DLG5: variants seen among roughly 807,000 people sequenced by gnomAD.
DLG5 encodes disks large homolog 5.
Under a neutral mutation model 189.8 loss-of-function variants are expected in DLG5, and 48 were observed. The observed-to-expected ratio is 0.25, with a 90% CI of 0.20 to 0.32. The LOEUF is 0.32. Among genes scored for constraint, DLG5 ranks in the 10% least tolerant of loss-of-function variants. The pLI is 1.00. For missense variants in DLG5, 2,160 were observed against 2,544.7 expected (o/e 0.85, Z 3.25); for synonymous variants, 1,016 against 1,054.1 (o/e 0.96, Z 0.70).
chr10:77,816,527 C>T, intron 20 of DLG5, 24 bp downstream of exon 20: 3 of 1,613,932 alleles, frequency 1.9e-6, no homozygotes. Flanking sequence ...TTTACCCACT[C>T]CACCGATGAC....
intron 31 of DLG5, chr10:77,793,209 T>C (rs1840725989): frequency 6.6e-6 from 1 of 152,616 alleles, no homozygotes; most frequent in Admixed American, 6.5e-5. Flanking sequence ...CTCTAGGAAT[T>C]GTCAGTGTAT....
chr10:77,868,866 C>T, intron 2 of DLG5: 1 of 493,924 alleles, frequency 2.0e-6, no homozygotes, highest in East Asian at 4.1e-5. Context: ...GGTGGGTCAA[C>T]AGGCTCCCCT....
In DLG5 at chr10:77,796,141, A is replaced by G. The variant is rs1242580391; in HGVS notation, c.5356T>C (p.Cys1786Arg). 1.9e-6 allele frequency: 3 copies of G among 1,614,206 alleles called. No individual in the cohort carries two copies. The Admixed American group carries it at 5.0e-5, about 27-fold the overall frequency. The stretch of plus-strand genomic sequence containing the variant: ...CTCCGCTTATAGTCGACAAACAGGC[A>G]ATCTTTGACACCCCGCTCAATGGCC... ...QQAIERGVKD[C>R]LFVDYKRRSG... The change falls in exon 29 of 32, where the codon TGC (cysteine) becomes CGC (arginine). Residue 1786 changes from cysteine to arginine, a missense_variant. Coordinates refer to ENST00000372391, the MANE Select transcript of DLG5 (RefSeq NM_004747.4). This position sits in a 1 kb window ranked among gnomAD's most constrained non-coding sequence, Gnocchi z 5.2.
At chr10:77,809,824 C>A in intron 23 of DLG5, 94 bp from the exon 24 acceptor site, 1 of 1,421,272 alleles carries the variant, frequency 7.0e-7, no homozygotes, top group South Asian at 1.4e-5. Flanking sequence ...TTTCTGCCTG[C>A]TTCTTGGGGT....
intron 2 of DLG5, among the ~76,000 whole-genome samples, chr10:77,861,582 A>G (rs72821617): frequency 0.062 from 9,496 of 152,252 alleles, 430 homozygotes; most frequent in Non-Finnish European, 0.096. Flanking sequence ...CCACACAGAT[A>G]AAGTAGCAAC....
chr10:77,921,738 G>A (rs573452771), intron 1 of DLG5, among the ~76,000 whole-genome samples: 9 of 152,322 alleles, frequency 5.9e-5, no homozygotes, highest in South Asian at 2.1e-4. Context: ...AGCTCTCCTC[G>A]GCTTCTCCAG....
chr10:77,794,538 G>A (rs538179274), intron 30 of DLG5, among the ~76,000 whole-genome samples: 1 of 152,326 alleles, frequency 6.6e-6, no homozygotes, highest in Admixed American at 6.5e-5. Flanking sequence ...TAAGCAGCAC[G>A]TAGCGAGGAA....
At chr10:77,812,101 T>C (rs1356973989) in intron 21 of DLG5, 44 bp from the exon 22 acceptor site, 2 of 1,602,540 alleles carry the variant, frequency 1.2e-6, no homozygotes, top group Admixed American at 1.7e-5. Context: ...GTCGGGGCTG[T>C]GGACAGGGAG....
chr10:77,793,824 G>GT (rs2154574725), intron 31 of DLG5, 184 bp downstream of exon 31: 3 of 611,672 alleles, frequency 4.9e-6, no homozygotes, highest in Non-Finnish European at 8.7e-6. Context: ...CATTCAACCT[G>GT]TAAGAATCCT....
chr10:77,913,949 C>A (rs565941864), intron 1 of DLG5, among the ~76,000 whole-genome samples: 3 of 152,220 alleles, frequency 2.0e-5, no homozygotes, highest in African/African-American at 7.2e-5. Flanking sequence ...ATGGTTCTTC[C>A]TTAAAATGAA....
At chr10:77,801,046 A>G (rs1206281033) in intron 27 of DLG5, among the ~76,000 whole-genome samples, 1 of 152,186 alleles carries the variant, frequency 6.6e-6, no homozygotes, top group East Asian at 1.9e-4. Flanking sequence ...TGGCAACATC[A>G]CTCGGAGCCC....
chr10:77,842,599 C>T (rs964333768), intron 6 of DLG5, among the ~76,000 whole-genome samples: 3 of 152,204 alleles, frequency 2.0e-5, no homozygotes, highest in Non-Finnish European at 4.4e-5. Flanking sequence ...GTGACAAGGT[C>T]ATCAAGTTCG....
intron 1 of DLG5, among the ~76,000 whole-genome samples, chr10:77,921,046 AT>A (rs1411352468): frequency 2.0e-5 from 3 of 152,168 alleles, no homozygotes; most frequent in Admixed American, 6.5e-5. Context: ...AAATAACACA[AT>A]TAAAACCACC....
chr10:77,812,615 C>T (rs1398317216), intron 20 of DLG5, among the ~76,000 whole-genome samples: 2 of 152,162 alleles, frequency 1.3e-5, no homozygotes, highest in Non-Finnish European at 2.9e-5. Flanking sequence ...ACCACCCAGG[C>T]CAAAGACACA....
At chr10:77,846,736 T>C (rs1018212569) in intron 5 of DLG5, 1 of 456,034 alleles carries the variant, frequency 2.2e-6, no homozygotes, top group Non-Finnish European at 4.4e-6. Context: ...TGTCTAAACA[T>C]CCCCTAAGCC....
At position 77,926,116 on chromosome 10, in the gene DLG5, T is replaced by A; in HGVS notation, c.304+101A>T. The A allele has an allele frequency of 8.2e-7, 1 of 1,226,342 alleles. No individual in the cohort carries two copies. Among genetic ancestry groups the A allele is most frequent in the Non-Finnish European group, 1.0e-6 (1 of 956,538 alleles). 76.0% of individuals were successfully genotyped at this position (1,226,342 alleles called of 1,614,324 possible). ...CAGAGGAGCGAGTCCACCGAGGCCATCGCCAGGTGGAGCGGCGGCCCCGGC... is the reference window on the plus strand; with the variant it reads ...CAGAGGAGCGAGTCCACCGAGGCCAACGCCAGGTGGAGCGGCGGCCCCGGC... On this transcript the variant is annotated intron_variant, in intron 1 of 31. Coordinates refer to ENST00000372391, the MANE Select transcript of DLG5 (RefSeq NM_004747.4). The surrounding 1 kb of genome is among the most constrained non-coding windows in gnomAD (Gnocchi z 5.2).
intron 5 of DLG5, chr10:77,845,514 G>A (rs779450168): frequency 6.6e-6 from 1 of 152,040 alleles, no homozygotes; most frequent in Non-Finnish European, 1.5e-5. Context: ...AAGAAAGTAA[G>A]GTCTTCCTCT....
At chr10:77,920,048 C>T (rs1589284326) in intron 1 of DLG5, among the ~76,000 whole-genome samples, 1 of 152,212 alleles carries the variant, frequency 6.6e-6, no homozygotes, top group Non-Finnish European at 1.5e-5. Flanking sequence ...AGGACTATAA[C>T]AGCAAATTCA....
chr10:77,929,917 T>C (rs774022299), upstream of DLG5: 2 of 152,072 alleles, frequency 1.3e-5, no homozygotes, highest in Non-Finnish European at 2.9e-5. Flanking sequence ...AGTGGGGAGG[T>C]GAGAAGGACA....
Sources: allele counts gnomAD v4.1 joint callset (sites outside exome capture counted in the v4.1 genomes callset), GRCh38; gene constraint gnomAD v4.1.1; non-coding constraint Gnocchi (gnomAD v3.1); transcripts MANE v1.5; gene names NCBI Gene and HGNC (gene_info 2026-07-23, HGNC 2026-07-21).